ATP9A: variants seen among roughly 807,000 people sequenced by gnomAD.
The protein encoded by ATP9A is ATPase phospholipid transporting 9A.
A neutral mutation model predicts 144.1 loss-of-function variants in ATP9A; 52 were observed. The observed-to-expected ratio is 0.36, with a 90% CI of 0.29 to 0.45. The LOEUF is 0.45. Ranked by LOEUF, ATP9A falls within the 20% of genes least tolerant of loss-of-function variation. ATP9A has a pLI of 1.00. For missense variants in ATP9A, 947 were observed against 1,392.7 expected, an observed-to-expected ratio of 0.68 and a Z score of 5.09; for synonymous variants, 582 against 557.4, an observed-to-expected ratio of 1.04 and a Z score of -0.62.
At chr20:51,665,207 CCAGAGA>C (rs976437436) in intron 13 of ATP9A, among the ~76,000 whole-genome samples, 3 of 149,848 alleles carry the variant, frequency 2.0e-5, no homozygotes, top group African/African-American at 2.5e-5. Context: ...ATAGGCAAAT[CCAGAGA>C]CAGAAAGTAG....
intron 1 of ATP9A, among the ~76,000 whole-genome samples, chr20:51,758,246 T>C (rs1390746033): frequency 2.0e-5 from 3 of 152,214 alleles, no homozygotes; most frequent in African/African-American, 7.2e-5. Context: ...AAACAGATAC[T>C]AGTTGTTAAA....
At chr20:51,639,202 G>T in intron 15 of ATP9A, 141 bp downstream of exon 15, 3 of 949,706 alleles carry the variant, frequency 3.2e-6, no homozygotes, top group Non-Finnish European at 4.7e-6. Flanking sequence ...TTTCCTTTCT[G>T]CTTAGGGAAT....
At chr20:51,687,107 C>G (rs1284460514) in intron 9 of ATP9A, among the ~76,000 whole-genome samples, 1 of 151,738 alleles carries the variant, frequency 6.6e-6, no homozygotes, top group African/African-American at 2.4e-5. Context: ...GACTTGAAAG[C>G]AAGAAAAAAT....
At chr20:51,730,340 T>C (rs1463273461) in intron 1 of ATP9A, among the ~76,000 whole-genome samples, 1 of 152,136 alleles carries the variant, frequency 6.6e-6, no homozygotes, top group East Asian at 1.9e-4. Context: ...TGTTGGCACG[T>C]GCCTGTAATC....
At chr20:51,637,815 C>A (rs773963842) in intron 15 of ATP9A, among the ~76,000 whole-genome samples, 3 of 151,030 alleles carry the variant, frequency 2.0e-5, no homozygotes, top group Non-Finnish European at 4.4e-5. Context: ...GAGCAGTATA[C>A]ACTGAACCCA....
intron 1 of ATP9A, among the ~76,000 whole-genome samples, chr20:51,751,371 C>T (rs532720709): frequency 2.6e-4 from 39 of 151,242 alleles, no homozygotes; most frequent in African/African-American, 8.7e-4. Flanking sequence ...GGGATCCTCC[C>T]ACTTCAGCCT....
chr20:51,596,698 TAGG>T lies in ATP9A; in HGVS notation c.*4510_*4512del, dbSNP rs2077120900. On this transcript the variant is annotated 3_prime_UTR_variant, in exon 28 of 28. Coordinates refer to ENST00000338821, the MANE Select transcript of ATP9A (RefSeq NM_006045.3). ...CATGTACCATGAAATAAAGAAAAAA[TAGG>T]AGCGTTATAATAAAAAGTCCTCATT... is the stretch of plus-strand genomic sequence containing the variant. The T allele has an allele frequency of 6.6e-6, 1 of 151,980 alleles. No homozygotes were observed. The highest frequency in any genetic ancestry group is 2.4e-5 in the African/African-American group (1 of 41,348). The allele number at this position is 151,980 out of a possible 1,614,324, so 9.4% of individuals were successfully genotyped here.
At chr20:51,610,819 C>T (rs537818204) in intron 23 of ATP9A, among the ~76,000 whole-genome samples, 1 of 152,182 alleles carries the variant, frequency 6.6e-6, no homozygotes, top group Non-Finnish European at 1.5e-5. Context: ...TCTTATATTA[C>T]ATGTTTCGGT....
chr20:51,678,789 G>C (rs993556577), intron 9 of ATP9A, among the ~76,000 whole-genome samples: 1 of 152,194 alleles, frequency 6.6e-6, no homozygotes, highest in African/African-American at 2.4e-5. Flanking sequence ...TGCCCTCTAC[G>C]TCTGGCCTGG....
chr20:51,753,652 TTTTC>T (rs1230436796), intron 1 of ATP9A, among the ~76,000 whole-genome samples: 3 of 148,708 alleles, frequency 2.0e-5, no homozygotes, highest in South Asian at 2.1e-4. Context: ...GTTCTCTCAT[TTTTC>T]TTTTTCTTTC....
intron 15 of ATP9A, among the ~76,000 whole-genome samples, chr20:51,634,990 G>GC (rs909659278): frequency 6.6e-6 from 1 of 150,578 alleles, no homozygotes; most frequent in East Asian, 2.0e-4. Flanking sequence ...GGCTCGCAAT[G>GC]CCCCCCACCT....
rs1342961108 is a variant in ATP9A, at chr20:51,754,244, G to A, written c.68+14058C>T. Among the ~76,000 whole-genome samples, 3 of 152,060 alleles carry A rather than the reference G, an allele frequency of 2.0e-5. No individual in the cohort carries two copies. In the East Asian group the frequency reaches 5.8e-4, roughly 30 times the overall value. On this transcript the variant is annotated intron_variant, in intron 1 of 27. Transcript: ENST00000338821. ...ACGCTGGGCGCGGTGGCTCATGCTT[G>A]TAATCCCAGCACTTTGGGAGGCCAA... is the stretch of plus-strand genomic sequence containing the variant.
intron 14 of ATP9A, among the ~76,000 whole-genome samples, chr20:51,646,471 A>T (rs1286025428): frequency 6.6e-6 from 1 of 152,194 alleles, no homozygotes; most frequent in African/African-American, 2.4e-5. Flanking sequence ...CAAAATTATA[A>T]ATCTATCCAC....
chr20:51,638,095 A>ATATG (rs1229647628), intron 15 of ATP9A, among the ~76,000 whole-genome samples: 1 of 61,878 alleles, frequency 1.6e-5, no homozygotes, highest in Admixed American at 2.0e-4. Context: ...ATATATATAT[A>ATATG]TATATATATA....
chr20:51,683,800 A>G (rs1399503818), intron 9 of ATP9A, among the ~76,000 whole-genome samples: 4 of 152,188 alleles, frequency 2.6e-5, no homozygotes, highest in Non-Finnish European at 5.9e-5. Flanking sequence ...TGGAGCCTGG[A>G]GTCTGACCTG....
intron 14 of ATP9A, among the ~76,000 whole-genome samples, chr20:51,651,348 A>G (rs1302695127): frequency 2.5e-5 from 3 of 118,170 alleles, no homozygotes; most frequent in Non-Finnish European, 5.3e-5. Flanking sequence ...TATATTATAT[A>G]ATATATATTT....
intron 2 of ATP9A, among the ~76,000 whole-genome samples, chr20:51,726,562 T>C (rs1443301454): frequency 2.0e-5 from 3 of 152,142 alleles, no homozygotes; most frequent in Middle Eastern, 3.4e-3. Flanking sequence ...GCATCAACTA[T>C]GTTATGTGTG....
intron 14 of ATP9A, among the ~76,000 whole-genome samples, chr20:51,647,955 C>T (rs1470143850): frequency 6.6e-6 from 1 of 152,168 alleles, no homozygotes; most frequent in Non-Finnish European, 1.5e-5. Flanking sequence ...TTTTGAGACC[C>T]CACTTCGGTG....
At chr20:51,636,926 C>T (rs542198252) in intron 15 of ATP9A, among the ~76,000 whole-genome samples, 32 of 152,274 alleles carry the variant, frequency 2.1e-4, no homozygotes, top group Admixed American at 3.9e-4. Context: ...CCCGTCTCTA[C>T]TAATAATACA....
Sources: allele counts gnomAD v4.1 joint callset (sites outside exome capture counted in the v4.1 genomes callset), GRCh38; gene constraint gnomAD v4.1.1; transcripts MANE v1.5; gene names NCBI Gene and HGNC (gene_info 2026-07-23, HGNC 2026-07-21).